GPR33: variants seen among roughly 807,000 people sequenced by gnomAD.
GPR33 encodes G protein-coupled receptor 33.
A neutral mutation model predicts 3.1 loss-of-function variants in GPR33; 4 were observed. The observed-to-expected ratio is 1.29, with a 90% confidence interval of 0.64 to 2.96. The LOEUF is 2.96. Among genes scored for constraint, GPR33 ranks in the 30% most tolerant of loss-of-function variants. GPR33 has a pLI of 0.01. For synonymous variants in GPR33, 138 were observed against 142.0 expected (o/e 0.97, Z 0.20); for missense variants, 390 against 388.9 (o/e 1.00, Z -0.02).
rs1293411606 is a variant in GPR33, at chr14:31,483,239, G to C, written c.727C>G (p.Pro243Ala). Residue 243 changes from proline (P) to alanine (A), a missense_variant, in exon 2 of 2, where the codon CCC becomes GCC. Physicochemically the swap from Pro to Ala is conservative, Grantham distance 27. Coordinates refer to ENST00000399285, the MANE Select transcript of GPR33 (RefSeq NM_001197184.3). ...KERSLFKSSK[P>A]FKVMMTAIIS... ...ATGGCAGTCATCATAACTTTGAAGG[G>C]CTTGCTGGATTTAAACAGGCTCCTC... 9 of 1,535,980 alleles carry C rather than the reference G, an allele frequency of 5.9e-6. No individual in the cohort carries two copies. The highest frequency in any genetic ancestry group is 7.8e-6 in the Non-Finnish European group (9 of 1,146,918).
intron 1 of GPR33, among the ~76,000 whole-genome samples, chr14:31,485,956 C>T (rs368948248): frequency 4.6e-4 from 70 of 152,214 alleles, no homozygotes; most frequent in African/African-American, 1.3e-3. Flanking sequence ...TGGAAAATAG[C>T]TGTTATAACA....
At chr14:31,486,813 C>T (rs1045622407) in intron 1 of GPR33, among the ~76,000 whole-genome samples, 1 of 152,132 alleles carries the variant, frequency 6.6e-6, no homozygotes, top group Non-Finnish European at 1.5e-5. Context: ...TATAGTGTCC[C>T]TTTTCCCCAT....
At position 31,483,210 on chromosome 14, in the gene GPR33, G is replaced by A. The variant is rs899415481; in HGVS notation, c.756C>T (p.Ile252=). 9.8e-5 allele frequency: 151 copies of A among 1,536,030 alleles called. No homozygotes were observed. The highest frequency in any genetic ancestry group is 1.2e-4 in the Non-Finnish European group (142 of 1,146,916). The change falls in exon 2 of 2, where the codon ATC becomes ATT. Residue 252 remains isoleucine, a synonymous_variant. Coordinates refer to ENST00000399285, the MANE Select transcript of GPR33 (RefSeq NM_001197184.3). ...KPFKVMMTAI[I]SFFVCWMPYH... The stretch of plus-strand genomic sequence containing the variant: ...AGGGCATCCAACACACAAAGAAAGA[G>A]ATAATGGCAGTCATCATAACTTTGA...
Position 31,483,297 on chromosome 14 carries a change from A to G in GPR33, c.669T>C (p.Phe223=). 6.5e-7 allele frequency: 1 copy of G among 1,536,150 alleles called. No homozygotes were observed. The highest frequency in any genetic ancestry group is 8.7e-7 in the Non-Finnish European group (1 of 1,146,912). Residue 223 remains phenylalanine, a synonymous_variant, in exon 2 of 2, where the codon TTT becomes TTC. Coordinates refer to ENST00000399285, the MANE Select transcript of GPR33 (RefSeq NM_001197184.3). ...GFLLPFFIII[F]CYERVASKVK... Reference sequence around the variant, plus strand: ...CCTTGCTGGCTACTCTTTCATAACAAAAGATGATGATGAAGAAAGGCAGAA... The same window carrying G: ...CCTTGCTGGCTACTCTTTCATAACAGAAGATGATGATGAAGAAAGGCAGAA...
chr14:31,486,181 G>A (rs1124859), intron 1 of GPR33, among the ~76,000 whole-genome samples: 1,738 of 152,234 alleles, frequency 0.011, 23 homozygotes, highest in East Asian at 0.065. Flanking sequence ...TCACTGCAGC[G>A]TGGAACTCCT....
chr14:31,485,717 C>T (rs543406664), intron 1 of GPR33, among the ~76,000 whole-genome samples: 4 of 151,976 alleles, frequency 2.6e-5, no homozygotes, highest in African/African-American at 9.6e-5. Flanking sequence ...AGTGAGGCTT[C>T]GTAGGGTTAC....
intron 1 of GPR33, among the ~76,000 whole-genome samples, chr14:31,485,307 A>T (rs1391828661): frequency 6.6e-6 from 1 of 151,870 alleles, no homozygotes; most frequent in Non-Finnish European, 1.5e-5. Context: ...ACTCATATTT[A>T]TCCAATATTT....
chr14:31,487,076 A>G (rs1025744998), intron 1 of GPR33, among the ~76,000 whole-genome samples: 2 of 152,088 alleles, frequency 1.3e-5, no homozygotes, highest in Non-Finnish European at 1.5e-5. Context: ...GAGAAACTAG[A>G]TACCCGAATT....
Position 31,483,771 on chromosome 14 carries a change from G to A in GPR33, c.195C>T (p.Leu65=). ...AAGAGAGAATGAGATGAAAAAATAA[G>A]AGAGTATTGACAGTCTGTTTCATCT... ...RFKMKQTVNT[L]LFFHLILSYF... Residue 65 remains leucine (L), a synonymous_variant, in exon 2 of 2, where the codon CTC becomes CTT. Transcript: ENST00000399285. The A allele has an allele frequency of 6.5e-7, 1 of 1,536,102 alleles. No individual in the cohort carries two copies. Among genetic ancestry groups the A allele is most frequent in the South Asian group, 1.2e-5 (1 of 84,064 alleles).
Position 31,483,036 on chromosome 14 carries a change from G to T in GPR33, c.930C>A (p.Phe310Leu). 6.5e-7 allele frequency: 1 copy of T among 1,535,960 alleles called. No individual in the cohort carries two copies. Among genetic ancestry groups the T allele is most frequent in the Non-Finnish European group, 8.7e-7 (1 of 1,146,824 alleles). The change falls in exon 2 of 2, where the codon TTC (phenylalanine) becomes TTA (leucine). Residue 310 changes from phenylalanine to leucine, a missense_variant. Physicochemically the swap from Phe to Leu is conservative, Grantham distance 22. Coordinates refer to ENST00000399285, the MANE Select transcript of GPR33 (RefSeq NM_001197184.3). ...LFVGENFKKVFKKSILALFES... is the reference protein window; with the variant it reads ...LFVGENFKKVLKKSILALFES... ...CAAACAGAGCAAGAATGGACTTCTT[G>T]AAGACCTTTTTGAAATTCTCCCCAA...
intron 1 of GPR33, among the ~76,000 whole-genome samples, chr14:31,487,044 G>C (rs189212190): frequency 2.0e-5 from 3 of 152,078 alleles, no homozygotes; most frequent in Admixed American, 2.0e-4. Flanking sequence ...TATGCGTGTG[G>C]TCTCTTTATG....
chr14:31,485,838 T>A (rs1595232848), intron 1 of GPR33, among the ~76,000 whole-genome samples: 1 of 152,178 alleles, frequency 6.6e-6, no homozygotes, highest in South Asian at 2.1e-4. Context: ...GTAGTGTTTT[T>A]AATAATGCTC....
At chr14:31,487,436 T>TTG (rs2032431276) in intron 1 of GPR33, among the ~76,000 whole-genome samples, 3 of 126,738 alleles carry the variant, frequency 2.4e-5, no homozygotes, top group African/African-American at 3.1e-5. Flanking sequence ...CCCTCAGTTT[T>TTG]TTTTTTTTTT....
chr14:31,487,134 T>A (rs1489612762), intron 1 of GPR33, among the ~76,000 whole-genome samples: 1 of 152,144 alleles, frequency 6.6e-6, no homozygotes, highest in Non-Finnish European at 1.5e-5. Flanking sequence ...TAGAAGGACA[T>A]CTGAAAGTAA....
In GPR33 at chr14:31,483,773, G is replaced by A. The variant is rs1235340827; in HGVS notation, c.193C>T (p.Leu65Phe). The change falls in exon 2 of 2, where the codon CTC becomes TTC. Residue 65 changes from leucine (L) to phenylalanine (F), a missense_variant. Transcript: ENST00000399285. ...GAGAGAATGAGATGAAAAAATAAGA[G>A]AGTATTGACAGTCTGTTTCATCTTG... is the stretch of plus-strand genomic sequence containing the variant. ...RFKMKQTVNT[L>F]LFFHLILSYF... The A allele has an allele frequency of 6.5e-7, 1 of 1,536,104 alleles. No individual in the cohort carries two copies. The highest frequency in any genetic ancestry group is 8.7e-7 in the Non-Finnish European group (1 of 1,146,870).
At position 31,483,594 on chromosome 14, in the gene GPR33, A is replaced by C; in HGVS notation, c.372T>G (p.Leu124=). Reference sequence around the variant, plus strand: ...GGTGAAGAGTGAGAAGGTAACGATCAAGACCGATGGCCGAAAGGAAGAAAA... The same window carrying C: ...GGTGAAGAGTGAGAAGGTAACGATCCAGACCGATGGCCGAAAGGAAGAAAA... ...TSVFFLSAIG[L]DRYLLTLHPV... The change falls in exon 2 of 2, where the codon CTT becomes CTG. Residue 124 remains leucine (L), a synonymous_variant. Coordinates refer to ENST00000399285, the MANE Select transcript of GPR33 (RefSeq NM_001197184.3). The C allele has an allele frequency of 6.5e-7, 1 of 1,536,188 alleles. No individual in the cohort carries two copies. Among genetic ancestry groups the C allele is most frequent in the South Asian group, 1.2e-5 (1 of 84,064 alleles).
At chr14:31,487,431 A>AGTTTT (rs2032430505) in intron 1 of GPR33, among the ~76,000 whole-genome samples, 1 of 56,002 alleles carries the variant, frequency 1.8e-5, no homozygotes, top group Non-Finnish European at 4.0e-5. Context: ...TAAGCCCCTC[A>AGTTTT]GTTTTTTTTT....
At chr14:31,484,312 C>T (rs1335937187) in intron 1 of GPR33, among the ~76,000 whole-genome samples, 1 of 151,952 alleles carries the variant, frequency 6.6e-6, no homozygotes, top group African/African-American at 2.4e-5. Context: ...GATAGGATCT[C>T]ACTCTGTCAC....
In GPR33 at chr14:31,483,922, G is replaced by A; in HGVS notation, c.44C>T (p.Thr15Ile). 1 of 1,535,796 alleles carries A rather than the reference G, an allele frequency of 6.5e-7. No individual in the cohort carries two copies. Among genetic ancestry groups the A allele is most frequent in the Non-Finnish European group, 8.7e-7 (1 of 1,146,786 alleles). ...NSTDYLINAS[T>I]LVRNSTQFLA... is the part of the protein sequence containing the mutation. The stretch of plus-strand genomic sequence containing the variant: ...AAACTGAGTGCTGTTTCTTACTAAA[G>A]TAGAGGCATTGATCAGGTAATCAGT... The change falls in exon 2 of 2, where the codon ACT (threonine) becomes ATT (isoleucine). Residue 15 changes from threonine (T) to isoleucine (I), a missense_variant. Coordinates refer to ENST00000399285, the MANE Select transcript of GPR33 (RefSeq NM_001197184.3).
Sources: allele counts gnomAD v4.1 joint callset (sites outside exome capture counted in the v4.1 genomes callset), GRCh38; gene constraint gnomAD v4.1.1; transcripts MANE v1.5; gene names NCBI Gene and HGNC (gene_info 2026-07-23, HGNC 2026-07-21).